Variants in SEC22A observed in about 807,000 individuals in gnomAD.
The protein encoded by SEC22A is vesicle-trafficking protein SEC22a.
SEC22A carries 22 observed loss-of-function variants against 35.3 expected under a neutral mutation model. The ratio of observed to expected loss-of-function variants is 0.62; its 90% CI spans 0.45 to 0.89. SEC22A has a LOEUF of 0.89. Among genes scored for constraint, SEC22A ranks in the 40% least tolerant of loss-of-function variants. SEC22A has a pLI of 0.00. For missense variants in SEC22A, 354 were observed against 362.5 expected (o/e 0.98, Z 0.19); for synonymous variants, 119 against 129.5 (o/e 0.92, Z 0.55).
intron 6 of SEC22A, among the ~76,000 whole-genome samples, chr3:123,268,721 T>G (rs571116693): frequency 6.6e-6 from 1 of 152,234 alleles, no homozygotes; most frequent in East Asian, 1.9e-4. Context: ...TATTATCTAA[T>G]ATATGATTCC....
At chr3:123,215,086 C>T (rs945346894) in intron 2 of SEC22A, among the ~76,000 whole-genome samples, 13 of 152,222 alleles carry the variant, frequency 8.5e-5, no homozygotes, top group Non-Finnish European at 1.9e-4. Flanking sequence ...TGAGTACTTG[C>T]TATTGCCAGG....
chr3:123,205,666 G>A (rs909051942), intron 1 of SEC22A, among the ~76,000 whole-genome samples: 3 of 150,836 alleles, frequency 2.0e-5, no homozygotes, highest in Non-Finnish European at 4.5e-5. Context: ...AACAGAGTGA[G>A]ACCCTGTTTC....
chr3:123,234,760 C>A (rs555599208), intron 4 of SEC22A, among the ~76,000 whole-genome samples: 1 of 152,262 alleles, frequency 6.6e-6, no homozygotes, highest in South Asian at 2.1e-4. Context: ...CAGTGGCTCA[C>A]GCCTGTAATC....
chr3:123,227,947 G>GAA (rs62978760), intron 4 of SEC22A, among the ~76,000 whole-genome samples: 116 of 101,062 alleles, frequency 1.1e-3, no homozygotes, highest in African/African-American at 2.0e-3. Context: ...AGCTCCATCA[G>GAA]AAAAAAAAAA....
intron 6 of SEC22A, among the ~76,000 whole-genome samples, chr3:123,267,461 G>A (rs1371652888): frequency 6.6e-6 from 1 of 151,932 alleles, no homozygotes; most frequent in Admixed American, 6.6e-5. Flanking sequence ...TATTTTACTA[G>A]TTCAAGACAC....
intron 6 of SEC22A, among the ~76,000 whole-genome samples, chr3:123,266,473 T>A (rs1282311638): frequency 6.6e-6 from 1 of 152,160 alleles, no homozygotes; most frequent in Non-Finnish European, 1.5e-5. Flanking sequence ...TAAATTTTGA[T>A]ATGTTTTATT....
At chr3:123,228,938 T>A (rs1937264960) in intron 4 of SEC22A, among the ~76,000 whole-genome samples, 1 of 152,034 alleles carries the variant, frequency 6.6e-6, no homozygotes, top group Non-Finnish European at 1.5e-5. Flanking sequence ...GATAGATTGA[T>A]AGAGATTATC....
intron 4 of SEC22A, among the ~76,000 whole-genome samples, chr3:123,228,507 G>A (rs1251260620): frequency 1.3e-5 from 2 of 151,038 alleles, no homozygotes; most frequent in Admixed American, 6.6e-5. Flanking sequence ...CCCAGGAGGC[G>A]GAGGTGGCAG....
At chr3:123,222,886 G>A (rs571882344) in intron 2 of SEC22A, among the ~76,000 whole-genome samples, 1 of 152,194 alleles carries the variant, frequency 6.6e-6, no homozygotes, top group East Asian at 1.9e-4. Context: ...GTCCTTGCCT[G>A]ATCCAATCTT....
chr3:123,233,849 G>C (rs1007065742), intron 4 of SEC22A, among the ~76,000 whole-genome samples: 3 of 152,176 alleles, frequency 2.0e-5, no homozygotes, highest in African/African-American at 7.2e-5. Context: ...TCAAGGCACA[G>C]CAGGCCGTTG....
chr3:123,235,761 C>T (rs1937408301), intron 4 of SEC22A, among the ~76,000 whole-genome samples: 1 of 152,090 alleles, frequency 6.6e-6, no homozygotes, highest in African/African-American at 2.4e-5. Flanking sequence ...TTATGAATAG[C>T]AGCATTATTC....
intron 2 of SEC22A, among the ~76,000 whole-genome samples, chr3:123,219,184 G>T (rs1937081838): frequency 6.6e-6 from 1 of 152,102 alleles, no homozygotes; most frequent in South Asian, 2.1e-4. Context: ...CTGGAAGTGG[G>T]TTGGCATCCT....
In SEC22A at chr3:123,223,633, T is replaced by G; in HGVS notation, c.257T>G (p.Phe86Cys). 6.2e-7 allele frequency: 1 copy of G among 1,613,486 alleles called. No homozygotes were observed. ...TACCCAAATGTTCTCGCCTTCTCTTTCCTGGATGAGCTTCAGAAGGAGTTC... is the reference window on the plus strand; with the variant it reads ...TACCCAAATGTTCTCGCCTTCTCTTGCCTGGATGAGCTTCAGAAGGAGTTC... Reference protein sequence around the residue: ...ENYPNVLAFSFLDELQKEFIT... With the variant: ...ENYPNVLAFSCLDELQKEFIT... Residue 86 changes from phenylalanine (F) to cysteine (C), a missense_variant, in exon 3 of 7, where the codon TTC (phenylalanine) becomes TGC (cysteine). Coordinates refer to ENST00000492595, the MANE Select transcript of SEC22A (RefSeq NM_012430.5).
In SEC22A at chr3:123,225,288, A is replaced by T. The variant is rs1239031797; in HGVS notation, c.532A>T (p.Ile178Phe). 6.2e-7 allele frequency: 1 copy of T among 1,600,356 alleles called. No homozygotes were observed. Among genetic ancestry groups the T allele is most frequent in the Non-Finnish European group, 8.5e-7 (1 of 1,171,570 alleles). The change falls in exon 4 of 7, where the codon ATT becomes TTT. Residue 178 changes from isoleucine (I) to phenylalanine (F), a missense_variant. Coordinates refer to ENST00000492595, the MANE Select transcript of SEC22A (RefSeq NM_012430.5). Reference sequence around the variant, plus strand: ...TGTTGACTGTAAAGGTGCTGGTAAGATTTCTTCTGGTGAGTTCTGGATCTC... The same window carrying T: ...TGTTGACTGTAAAGGTGCTGGTAAGTTTTCTTCTGGTGAGTTCTGGATCTC... Reference protein sequence around the residue: ...FSVDCKGAGKISSAHQRLEPA... With the variant: ...FSVDCKGAGKFSSAHQRLEPA...
chr3:123,271,436 T>C (rs1938155742), intron 6 of SEC22A, 86 bp from the exon 7 acceptor site: 1 of 1,087,092 alleles, frequency 9.2e-7, no homozygotes, highest in Admixed American at 1.9e-5. Flanking sequence ...TATATTTTAC[T>C]CTCTGACCTG....
intron 2 of SEC22A, among the ~76,000 whole-genome samples, chr3:123,219,315 A>T (rs999707250): frequency 6.6e-6 from 1 of 152,196 alleles, no homozygotes; most frequent in African/African-American, 2.4e-5. Flanking sequence ...CAGGTTCCAA[A>T]ACTCAGAAGT....
At chr3:123,214,183 A>G (rs1176411688) in intron 2 of SEC22A, among the ~76,000 whole-genome samples, 1 of 152,220 alleles carries the variant, frequency 6.6e-6, no homozygotes, top group African/African-American at 2.4e-5. Context: ...CAACAGAGTG[A>G]GACTCTGCCT....
chr3:123,232,162 C>T (rs746418021), intron 4 of SEC22A, among the ~76,000 whole-genome samples: 3 of 152,122 alleles, frequency 2.0e-5, no homozygotes, highest in African/African-American at 4.8e-5. Flanking sequence ...TTGCTTAAAA[C>T]GTGGGAGGTG....
intron 4 of SEC22A, among the ~76,000 whole-genome samples, chr3:123,227,175 A>G (rs1452406507): frequency 6.6e-6 from 1 of 152,002 alleles, no homozygotes; most frequent in Non-Finnish European, 1.5e-5. Context: ...AGCATATGCC[A>G]TTGTCAGACT....
Sources: gnomAD v4.1 joint callset for allele counts (sites outside exome capture counted in the v4.1 genomes callset) on GRCh38, gnomAD v4.1.1 for gene constraint, MANE v1.5 for transcripts, NCBI Gene and HGNC (gene_info 2026-07-23, HGNC 2026-07-21) for gene names.